Variants in GALNTL5 observed in about 807,000 individuals in gnomAD.
GALNTL5 encodes the protein inactive polypeptide N-acetylgalactosaminyltransferase-like protein 5.
In GALNTL5, 44 loss-of-function variants were observed where a neutral mutation model predicts 51.0. The ratio of observed to expected loss-of-function variants is 0.86; its 90% CI spans 0.68 to 1.11. The LOEUF is 1.11. GALNTL5 is among the 50% of genes least tolerant of loss of function. GALNTL5 has a pLI of 0.00. For synonymous variants in GALNTL5, 192 were observed against 182.8 expected (o/e 1.05, Z -0.41); for missense variants, 528 against 531.8 (o/e 0.99, Z 0.07).
intron 1 of GALNTL5, among the ~76,000 whole-genome samples, chr7:151,965,032 C>T (rs1324486183): frequency 6.6e-6 from 1 of 152,180 alleles, no homozygotes; most frequent in African/African-American, 2.4e-5. Context: ...TCAGCCTCTA[C>T]CAGTCTACTT....
At chr7:151,983,384 G>A (rs2151947370) in intron 4 of GALNTL5, among the ~76,000 whole-genome samples, 1 of 152,136 alleles carries the variant, frequency 6.6e-6, no homozygotes, top group South Asian at 2.1e-4. Context: ...CACCATGTTG[G>A]TCAGGCTGGT....
chr7:151,979,314 C>T (rs1440171520), intron 3 of GALNTL5, among the ~76,000 whole-genome samples: 2 of 145,886 alleles, frequency 1.4e-5, no homozygotes, highest in African/African-American at 5.2e-5. Flanking sequence ...CGGGGTTTCA[C>T]CATGTTAGCC....
intron 5 of GALNTL5, among the ~76,000 whole-genome samples, chr7:151,992,620 G>A (rs2151951822): frequency 6.6e-6 from 1 of 152,180 alleles, no homozygotes; most frequent in East Asian, 1.9e-4. Flanking sequence ...TGAATGAAGG[G>A]CTCGCTCTAC....
At chr7:151,996,798 A>AAAAG (rs2081506233) in intron 5 of GALNTL5, among the ~76,000 whole-genome samples, 5 of 151,964 alleles carry the variant, frequency 3.3e-5, no homozygotes, top group Admixed American at 3.3e-4. Flanking sequence ...TGTAGGTAAA[A>AAAAG]AAAAAAGAAA....
At chr7:152,007,105 C>T (rs75674383) in intron 6 of GALNTL5, among the ~76,000 whole-genome samples, 2 of 152,004 alleles carry the variant, frequency 1.3e-5, no homozygotes, top group African/African-American at 2.4e-5. Context: ...TATTATTTGG[C>T]CCTACTATTG....
At chr7:152,017,463 A>C (rs754839580) in intron 8 of GALNTL5, among the ~76,000 whole-genome samples, 2 of 152,240 alleles carry the variant, frequency 1.3e-5, no homozygotes, top group Non-Finnish European at 2.9e-5. Context: ...TAAATTTCAG[A>C]GATGTAATGG....
At position 152,002,533 on chromosome 7, in the gene GALNTL5, A is replaced by T. The variant is rs147373465; in HGVS notation, c.659-181A>T. On this transcript the variant is annotated intron_variant, in intron 5 of 8. Coordinates refer to ENST00000392800, the MANE Select transcript of GALNTL5 (RefSeq NM_145292.4). ...TTCCCCTCAACATCTATGGCACATG[A>T]TGTTGCATATTTTTGTACATAATAA... is the stretch of plus-strand genomic sequence containing the variant. 9.5e-4 allele frequency among the ~76,000 whole-genome samples: 144 copies of T among 152,328 alleles called. 1 individual carries two copies. The highest frequency in any genetic ancestry group is 3.2e-3 in the African/African-American group (131 of 41,578).
At chr7:151,979,112 T>G (rs1351266479) in intron 3 of GALNTL5, among the ~76,000 whole-genome samples, 1 of 144,820 alleles carries the variant, frequency 6.9e-6, no homozygotes, top group Non-Finnish European at 1.5e-5. Flanking sequence ...TACTCTTTTT[T>G]TTTTTTTTTT....
At chr7:152,007,773 C>T (rs2081667967) in intron 6 of GALNTL5, 54 bp from the exon 7 acceptor site, 7 of 1,020,326 alleles carry the variant, frequency 6.9e-6, no homozygotes, top group Non-Finnish European at 1.1e-5. Context: ...TTTGAGGAAA[C>T]TACAGAATGA....
In GALNTL5 at chr7:152,007,864, C is replaced by A. The variant is rs561513186; in HGVS notation, c.946C>A (p.Arg316=). The change falls in exon 7 of 9, where the codon CGG becomes AGG. Residue 316 remains arginine, a synonymous_variant. Transcript: ENST00000392800. Reference sequence around the variant, plus strand: ...GTCTGGAGGAATTTTTGCTATACGTCGGCATTATTTTAATGAAATTGGACA... The same window carrying A: ...GTCTGGAGGAATTTTTGCTATACGTAGGCATTATTTTAATGAAATTGGACA... ...AMSGGIFAIR[R]HYFNEIGQYD... 7 of 1,612,064 alleles carry A rather than the reference C, an allele frequency of 4.3e-6. No homozygotes were observed. Among genetic ancestry groups the A allele is most frequent in the South Asian group, 2.2e-5 (2 of 90,784 alleles).
At chr7:152,012,486 G>A (rs1207617870) in intron 7 of GALNTL5, among the ~76,000 whole-genome samples, 1 of 152,138 alleles carries the variant, frequency 6.6e-6, no homozygotes, top group Non-Finnish European at 1.5e-5. Flanking sequence ...AACCATTGTG[G>A]AAAGCAGTTG....
intron 5 of GALNTL5, 114 bp downstream of exon 5, chr7:151,987,395 G>C (rs966112699): frequency 2.2e-6 from 2 of 915,936 alleles, no homozygotes; most frequent in African/African-American, 1.7e-5. Context: ...CATCAGAAGA[G>C]TGGAAATCTA....
At chr7:152,001,319 T>C (rs755018703) in intron 5 of GALNTL5, among the ~76,000 whole-genome samples, 17 of 152,110 alleles carry the variant, frequency 1.1e-4, no homozygotes, top group South Asian at 6.2e-4. Flanking sequence ...ATTTTTGGTG[T>C]CATATCTAAG....
intron 7 of GALNTL5, among the ~76,000 whole-genome samples, chr7:152,010,709 A>G (rs1205172968): frequency 1.3e-5 from 2 of 151,956 alleles, no homozygotes; most frequent in Non-Finnish European, 2.9e-5. Context: ...TGGAGGTTAC[A>G]GTGAGCCGAG....
At chr7:152,016,783 T>G (rs139289789) in intron 8 of GALNTL5, among the ~76,000 whole-genome samples, 65 of 152,090 alleles carry the variant, frequency 4.3e-4, no homozygotes, top group African/African-American at 1.4e-3. Flanking sequence ...ACTTGTAATT[T>G]CAGCACTTAG....
chr7:151,972,241 A>G (rs567882634), intron 3 of GALNTL5, among the ~76,000 whole-genome samples: 1 of 152,298 alleles, frequency 6.6e-6, no homozygotes, highest in African/African-American at 2.4e-5. Flanking sequence ...GGAGATGAGG[A>G]ACTTGTTGAG....
At position 151,996,936 on chromosome 7, in the gene GALNTL5, G is replaced by A. The variant is rs568905668; in HGVS notation, c.659-5778G>A. Among the ~76,000 whole-genome samples, 76 of 152,108 alleles carry A rather than the reference G, an allele frequency of 5.0e-4. 1 individual carries two copies. The South Asian group carries it at 0.015, about 30-fold the overall frequency. Reference sequence around the variant, plus strand: ...AAAATGTGGACACTAACCAAAGAACGAAAATAAATACAAAACAGAGAAAAA... The same window carrying A: ...AAAATGTGGACACTAACCAAAGAACAAAAATAAATACAAAACAGAGAAAAA... On this transcript the variant is annotated intron_variant, in intron 5 of 8. Coordinates refer to ENST00000392800, the MANE Select transcript of GALNTL5 (RefSeq NM_145292.4).
chr7:152,015,176 C>T (rs2081791214), intron 8 of GALNTL5, among the ~76,000 whole-genome samples: 1 of 152,150 alleles, frequency 6.6e-6, no homozygotes, highest in Admixed American at 6.6e-5. Context: ...TAAGCTGCTA[C>T]TCTTACATCT....
At chr7:151,967,558 T>G in intron 2 of GALNTL5, 65 bp downstream of exon 2, 1 of 1,427,866 alleles carries the variant, frequency 7.0e-7, no homozygotes, top group South Asian at 1.2e-5. Flanking sequence ...TATTTAATAT[T>G]TGGAAGAGTA....
Sources: allele counts gnomAD v4.1 joint callset (sites outside exome capture counted in the v4.1 genomes callset), GRCh38; gene constraint gnomAD v4.1.1; transcripts MANE v1.5; gene names NCBI Gene and HGNC (gene_info 2026-07-23, HGNC 2026-07-21).